Variants in SLAMF9 observed in about 807,000 individuals in gnomAD.
SLAMF9 encodes the protein SLAM family member 9.
In SLAMF9, 25 loss-of-function variants were observed where a neutral mutation model predicts 30.4. The observed-to-expected ratio is 0.82, with a 90% CI of 0.60 to 1.15. The LOEUF (loss-of-function observed/expected upper bound fraction) is 1.15. Ranked by LOEUF, SLAMF9 falls within the 50% of genes most tolerant of loss-of-function variation. The probability of loss-of-function intolerance (pLI) is 0.00; values close to 1 mark genes in which losing one functional copy is unlikely to be tolerated. For synonymous variants in SLAMF9, 129 were observed against 127.2 expected (o/e 1.01, Z -0.09); for missense variants, 344 against 346.1 (o/e 0.99, Z 0.05).
Position 159,953,648 on chromosome 1 carries a change from G to A in SLAMF9, c.52C>T (p.Gln18Ter). Residue 18 changes from glutamine (Q) to a stop codon, truncating the protein, a stop_gained, in exon 2 of 4, where the codon CAA (glutamine) becomes TAA (stop). Coordinates refer to ENST00000368093, the MANE Select transcript of SLAMF9 (RefSeq NM_033438.4). LOFTEE classifies it high-confidence loss of function. ...CCACACCATCTCCAGAGTCTCCTTTGGCTGCCTATGCAGGAAGAAAAGAGA... is the reference window on the plus strand; with the variant it reads ...CCACACCATCTCCAGAGTCTCCTTTAGCTGCCTATGCAGGAAGAAAAGAGA... ...LLLLLLQEGS[Q>*]RRLWRWCGSE... is the part of the protein sequence containing the mutation. 6.3e-7 allele frequency: 1 copy of A among 1,596,928 alleles called. No individual in the cohort carries two copies. The highest frequency in any genetic ancestry group is 8.6e-7 in the Non-Finnish European group (1 of 1,168,532).
the SLAMF9 span, among the ~76,000 whole-genome samples, chr1:159,963,382 C>G: frequency 5.3e-5 from 8 of 152,264 alleles, no homozygotes; most frequent in Non-Finnish European, 5.9e-5. Context: ...GCTGGCAGCA[C>G]CAATCAGCCC....
the SLAMF9 span, among the ~76,000 whole-genome samples, chr1:159,969,260 G>C: frequency 7.1e-6 from 1 of 140,292 alleles, no homozygotes; most frequent in Non-Finnish European, 1.6e-5. Context: ...ATAGCTGCCT[G>C]GGGGGGATGG....
At chr1:159,971,426 G>T in the SLAMF9 span, among the ~76,000 whole-genome samples, 1 of 152,164 alleles carries the variant, frequency 6.6e-6, no homozygotes, top group East Asian at 1.9e-4. Flanking sequence ...CCTCAATCCT[G>T]CCCTGCACTG....
At chr1:159,968,924 C>T in the SLAMF9 span, among the ~76,000 whole-genome samples, 3 of 151,656 alleles carry the variant, frequency 2.0e-5, no homozygotes, top group African/African-American at 7.3e-5. Context: ...TAGTGGCAGG[C>T]GCCTGTACTC....
chr1:159,976,969 A>AGAAG, the SLAMF9 span: 3 of 41,264 alleles, frequency 7.3e-5, no homozygotes, highest in African/African-American at 1.0e-4. Flanking sequence ...AGAGAAAGAA[A>AGAAG]GAAGGAAAGA....
chr1:159,959,638 G>T, the SLAMF9 span, among the ~76,000 whole-genome samples: 1 of 152,106 alleles, frequency 6.6e-6, no homozygotes, highest in Admixed American at 6.5e-5. Context: ...ACATTCCAAA[G>T]CTCCCTAAGC....
chr1:159,983,963 C>T, the SLAMF9 span: 4 of 152,292 alleles, frequency 2.6e-5, no homozygotes, highest in Non-Finnish European at 2.9e-5. Context: ...AGTGCCTTTC[C>T]CTGCAGCAGC....
chr1:159,979,575 A>G, the SLAMF9 span, among the ~76,000 whole-genome samples: 1 of 152,206 alleles, frequency 6.6e-6, no homozygotes, highest in Non-Finnish European at 1.5e-5. Context: ...GGTACGGTAG[A>G]CAAAAAAAAT....
the SLAMF9 span, among the ~76,000 whole-genome samples, chr1:159,981,513 A>G: frequency 6.6e-6 from 1 of 152,248 alleles, no homozygotes; most frequent in Admixed American, 6.5e-5. Flanking sequence ...CTCACAAGCC[A>G]GAGGGGAAAC....
At chr1:159,975,061 G>A in the SLAMF9 span, among the ~76,000 whole-genome samples, 3,324 of 152,206 alleles carry the variant, frequency 0.022, 91 homozygotes, top group African/African-American at 0.066. Flanking sequence ...CAGTAACATA[G>A]ATAACTCCCT....
chr1:159,955,560 G>A (rs1472583473), upstream of SLAMF9, among the ~76,000 whole-genome samples: 1 of 152,222 alleles, frequency 6.6e-6, no homozygotes, highest in Non-Finnish European at 1.5e-5. Flanking sequence ...TGTTTATTGA[G>A]TAGCTTCTAT....
chr1:159,959,218 G>T (rs1029794084), upstream of SLAMF9, among the ~76,000 whole-genome samples: 4 of 152,174 alleles, frequency 2.6e-5, no homozygotes, highest in Non-Finnish European at 5.9e-5. Flanking sequence ...GGGCCTCACA[G>T]ATGGCTAAGA....
the SLAMF9 span, among the ~76,000 whole-genome samples, chr1:159,973,481 TTG>T: frequency 6.6e-6 from 1 of 152,116 alleles, no homozygotes; most frequent in Non-Finnish European, 1.5e-5. Context: ...TTCTGGAATC[TTG>T]GAAGTCAGAG....
the SLAMF9 span, among the ~76,000 whole-genome samples, chr1:159,980,255 G>C: frequency 6.6e-6 from 1 of 152,114 alleles, no homozygotes; most frequent in Non-Finnish European, 1.5e-5. Context: ...GCTCCTGTCA[G>C]GGGGACTCGC....
chr1:159,962,309 G>A, the SLAMF9 span, among the ~76,000 whole-genome samples: 1 of 151,548 alleles, frequency 6.6e-6, no homozygotes, highest in Non-Finnish European at 1.5e-5. Context: ...GCTCACTGGG[G>A]GTATATAGAC....
the SLAMF9 span, chr1:159,973,323 A>T: frequency 1.6e-6 from 1 of 612,084 alleles, no homozygotes; most frequent in East Asian, 2.7e-5. Flanking sequence ...GGAGTCCTGG[A>T]TGATAAAGCC....
rs1471472750 is a variant in SLAMF9 at position 159,951,588 on chromosome 1, GAA to G, written c.*71_*72del. 6.2e-6 allele frequency: 9 copies of G among 1,449,470 alleles called. No individual in the cohort carries two copies. Among genetic ancestry groups the G allele is most frequent in the Non-Finnish European group, 8.6e-6 (9 of 1,042,516 alleles). 89.8% of individuals were successfully genotyped at this position (1,449,470 alleles called of 1,614,324 possible). A position where few individuals can be genotyped will look rare whatever the true frequency, so the allele number is the denominator to read the frequency against. On this transcript the variant is annotated 3_prime_UTR_variant, in exon 4 of 4. Transcript: ENST00000368093. The stretch of plus-strand genomic sequence containing the variant: ...CCTGAGCACCTCCTTCCCCTGGAAA[GAA>G]GAGAGCTGAGGAAGGATTCTCTGGG...
At chr1:159,953,683 C>T in intron 1 of SLAMF9, 30 bp from the exon 2 acceptor site, 3 of 1,561,588 alleles carry the variant, frequency 1.9e-6, no homozygotes, top group South Asian at 1.2e-5. Flanking sequence ...AAGCAAACAA[C>T]CCAGCTGCTG....
At chr1:159,983,522 T>C in the SLAMF9 span, 1 of 152,224 alleles carries the variant, frequency 6.6e-6, no homozygotes, top group Non-Finnish European at 1.5e-5. Context: ...TGTTTTGTTT[T>C]GTTTGTTTTT....
Sources: gnomAD v4.1 joint callset for allele counts (sites outside exome capture counted in the v4.1 genomes callset) on GRCh38, gnomAD v4.1.1 for gene constraint, MANE v1.5 for transcripts, NCBI Gene and HGNC (gene_info 2026-07-23, HGNC 2026-07-21) for gene names.